FGF14: variants seen among roughly 807,000 people sequenced by gnomAD.
FGF14 encodes fibroblast growth factor homologous factor 4.
A neutral mutation model predicts 25.5 loss-of-function variants in FGF14; 5 were observed. The ratio of observed to expected loss-of-function variants is 0.20; its 90% CI spans 0.10 to 0.41. The LOEUF is 0.41. Ranked by LOEUF, FGF14 falls within the 10% of genes least tolerant of loss-of-function variation. The pLI, the probability that FGF14 is intolerant of heterozygous loss-of-function variation, is 1.00. For synonymous variants in FGF14, 138 were observed against 118.3 expected, an observed-to-expected ratio of 1.17 and a Z score of -1.08; for missense variants, 222 against 320.1, an observed-to-expected ratio of 0.69 and a Z score of 2.34.
In FGF14 at chr13:101,884,290, G is replaced by C. The variant is rs534586765; in HGVS notation, c.194-8994C>G. Among the ~76,000 whole-genome samples, 9 of 152,130 alleles carry C rather than the reference G, an allele frequency of 5.9e-5. No homozygotes were observed. In the South Asian group the frequency reaches 1.9e-3, roughly 32 times the overall value. ...ACAGTGAAGGGGCACTGACAGATGA[G>C]AGGAGAGTGACAGACAGGGTGGGCC... On this transcript the variant is annotated intron_variant, in intron 1 of 4. Transcript: ENST00000376143.
At chr13:102,055,795 AC>A (rs1003751985) in intron 1 of FGF14, among the ~76,000 whole-genome samples, 1 of 152,232 alleles carries the variant, frequency 6.6e-6, no homozygotes, top group African/African-American at 2.4e-5. Flanking sequence ...GCTGATAAAT[AC>A]ATACCCGAGA....
intron 2 of FGF14, 39 bp downstream of exon 2, chr13:101,875,147 T>C: frequency 2.2e-6 from 3 of 1,346,568 alleles, no homozygotes; most frequent in Non-Finnish European, 3.2e-6. Context: ...GTGTATCTTC[T>C]ACCAACTATG....
At chr13:101,805,610 C>A (rs1463688770) in intron 3 of FGF14, among the ~76,000 whole-genome samples, 1 of 152,122 alleles carries the variant, frequency 6.6e-6, no homozygotes, top group African/African-American at 2.4e-5. Context: ...CAAGCAATAG[C>A]TTCCAGTCTC....
chr13:102,014,708 C>A (rs1458832304), intron 1 of FGF14, among the ~76,000 whole-genome samples: 1 of 152,016 alleles, frequency 6.6e-6, no homozygotes, highest in Non-Finnish European at 1.5e-5. Flanking sequence ...TCACTTATTT[C>A]GTATGTAAAT....
chr13:102,112,116 A>T (rs185739802), intron 1 of FGF14, among the ~76,000 whole-genome samples: 1 of 152,212 alleles, frequency 6.6e-6, no homozygotes, highest in East Asian at 1.9e-4. Flanking sequence ...TTATTCTAGT[A>T]CTTCATACTT....
intron 1 of FGF14, among the ~76,000 whole-genome samples, chr13:102,276,380 T>TATATACAC (rs1491317660): frequency 1.5e-5 from 2 of 131,438 alleles, no homozygotes; most frequent in African/African-American, 5.5e-5. Flanking sequence ...TATATATATA[T>TATATACAC]ACACATTATT....
chr13:101,762,913 C>A (rs1428168367), intron 3 of FGF14, among the ~76,000 whole-genome samples: 1 of 152,146 alleles, frequency 6.6e-6, no homozygotes, highest in Non-Finnish European at 1.5e-5. Flanking sequence ...TGTATTTAGG[C>A]AGGCTCTGAC....
chr13:101,874,920 A>G (rs979093328), intron 2 of FGF14, among the ~76,000 whole-genome samples: 2 of 152,160 alleles, frequency 1.3e-5, no homozygotes, highest in African/African-American at 4.8e-5. Flanking sequence ...ATTAAAAGTA[A>G]CAGTAATTTT....
chr13:102,401,838 C>T (rs965949775), upstream of FGF14: 5 of 684,330 alleles, frequency 7.3e-6, no homozygotes, highest in Non-Finnish European at 1.3e-5. Context: ...AGAAAAAATC[C>T]TTTTTCAGCA....
chr13:101,940,453 GT>G (rs2035374707), intron 1 of FGF14, among the ~76,000 whole-genome samples: 1 of 152,172 alleles, frequency 6.6e-6, no homozygotes, highest in African/African-American at 2.4e-5. Flanking sequence ...GGCAGAGAGG[GT>G]GGCCTACTTT....
intron 1 of FGF14, among the ~76,000 whole-genome samples, chr13:102,357,583 G>A (rs1029011367): frequency 3.9e-5 from 6 of 152,142 alleles, no homozygotes; most frequent in African/African-American, 1.2e-4. Flanking sequence ...TTAGCTAGGG[G>A]ACTTTGAGCA....
intron 1 of FGF14, among the ~76,000 whole-genome samples, chr13:102,148,454 GT>G (rs2046944491): frequency 6.6e-6 from 1 of 152,122 alleles, no homozygotes; most frequent in African/African-American, 2.4e-5. Flanking sequence ...GAGGGATCAA[GT>G]TTGTGTTAGG....
chr13:102,271,794 CA>C (rs2053260860), intron 1 of FGF14, among the ~76,000 whole-genome samples: 1 of 152,058 alleles, frequency 6.6e-6, no homozygotes, highest in South Asian at 2.1e-4. Flanking sequence ...AAAATAATTC[CA>C]AAAATTTAAT....
chr13:102,135,058 C>CAAAA (rs1490400588), intron 1 of FGF14, among the ~76,000 whole-genome samples: 8 of 138,158 alleles, frequency 5.8e-5, no homozygotes, highest in African/African-American at 2.3e-4. Context: ...CACACACACA[C>CAAAA]ACAAATCCGC....
At chr13:102,325,330 G>C (rs544098570) in intron 1 of FGF14, among the ~76,000 whole-genome samples, 1 of 152,166 alleles carries the variant, frequency 6.6e-6, no homozygotes, top group East Asian at 1.9e-4. Flanking sequence ...GAAAAACGTT[G>C]TGAAATTATT....
At chr13:101,889,156 C>T (rs1406625621) in intron 1 of FGF14, among the ~76,000 whole-genome samples, 1 of 152,092 alleles carries the variant, frequency 6.6e-6, no homozygotes, top group African/African-American at 2.4e-5. Flanking sequence ...CTGTGAGAAA[C>T]ACATTTCTGT....
At chr13:101,890,129 GACTAA>G (rs2046195506) in intron 1 of FGF14, among the ~76,000 whole-genome samples, 1 of 152,072 alleles carries the variant, frequency 6.6e-6, no homozygotes, top group South Asian at 2.1e-4. Context: ...AGCTCCTTTA[GACTAA>G]AAAGTGTAAT....
At chr13:101,810,103 C>T (rs919885514) in intron 3 of FGF14, among the ~76,000 whole-genome samples, 1 of 152,132 alleles carries the variant, frequency 6.6e-6, no homozygotes, top group Non-Finnish European at 1.5e-5. Context: ...TTCATCATTA[C>T]TACCCAAATG....
intron 1 of FGF14, among the ~76,000 whole-genome samples, chr13:101,896,184 G>T (rs1594641428): frequency 6.6e-6 from 1 of 152,072 alleles, no homozygotes; most frequent in East Asian, 1.9e-4. Flanking sequence ...CAATAGCAGT[G>T]CCTGAATATT....
Sources: allele counts gnomAD v4.1 joint callset (sites outside exome capture counted in the v4.1 genomes callset), GRCh38; gene constraint gnomAD v4.1.1; transcripts MANE v1.5; gene names NCBI Gene and HGNC (gene_info 2026-07-23, HGNC 2026-07-21).